EBF2: variants seen among roughly 807,000 people sequenced by gnomAD.
EBF2 encodes the protein EBF transcription factor 2, also known as transcription factor COE2.
In EBF2, 21 loss-of-function variants were observed where a neutral mutation model predicts 72.8. The ratio of observed to expected loss-of-function variants is 0.29; its 90% CI spans 0.20 to 0.42. The LOEUF (loss-of-function observed/expected upper bound fraction) is 0.42, where lower values mean the gene tolerates loss of function less well. Among genes scored for constraint, EBF2 ranks in the 10% least tolerant of loss-of-function variants. EBF2 has a pLI of 1.00. For missense variants in EBF2, 637 were observed against 731.2 expected, an observed-to-expected ratio of 0.87 and a Z score of 1.49; for synonymous variants, 299 against 274.2, an observed-to-expected ratio of 1.09 and a Z score of -0.89.
At chr8:25,845,108 ACTT>A (rs1426477099) in intron 15 of EBF2, among the ~76,000 whole-genome samples, 4 of 151,854 alleles carry the variant, frequency 2.6e-5, no homozygotes, top group African/African-American at 9.7e-5. Flanking sequence ...TCTATCCTTC[ACTT>A]CTTTGGTGAG....
At chr8:25,879,862 T>C (rs891188356) in intron 10 of EBF2, among the ~76,000 whole-genome samples, 3 of 152,200 alleles carry the variant, frequency 2.0e-5, no homozygotes, top group Admixed American at 2.0e-4. Flanking sequence ...AGTATTTTCA[T>C]TTGTTTAAAA....
At chr8:25,958,090 C>A (rs368887183) in intron 6 of EBF2, among the ~76,000 whole-genome samples, 13 of 152,054 alleles carry the variant, frequency 8.5e-5, no homozygotes, top group African/African-American at 2.4e-5. Context: ...ATAACAAACC[C>A]GCACAAAGAT....
Position 25,858,443 on chromosome 8 carries a change from T to C in EBF2, c.1404A>G (p.Gln468=), listed in dbSNP as rs544160576. Reference sequence around the variant, plus strand: ...TGCTGGAGGTACTGTAATTAGACTGTTGAGGCGTGGAGCTGGAAGAGTATC... The same window carrying C: ...TGCTGGAGGTACTGTAATTAGACTGCTGAGGCGTGGAGCTGGAAGAGTATC... ...PRGYSSSSTP[Q]QSNYSTSSNS... The change falls in exon 14 of 16, where the codon CAA becomes CAG. Residue 468 remains glutamine, a synonymous_variant. Transcript: ENST00000520164. 1.2e-5 allele frequency: 19 copies of C among 1,614,080 alleles called. No homozygotes were observed. The South Asian group carries it at 1.5e-4, about 13-fold the overall frequency.
At chr8:25,984,451 G>A (rs60736043) in intron 6 of EBF2, among the ~76,000 whole-genome samples, 45,300 of 152,088 alleles carry the variant, frequency 0.3, 7,178 homozygotes, top group Middle Eastern at 0.42. Context: ...GGGAAGCCGA[G>A]GTGGGTGGAT....
At chr8:26,003,761 T>C (rs1804780153) in intron 6 of EBF2, among the ~76,000 whole-genome samples, 1 of 152,136 alleles carries the variant, frequency 6.6e-6, no homozygotes, top group Non-Finnish European at 1.5e-5. Context: ...TATTGAGAAC[T>C]GAGAAGGGGC....
chr8:26,033,212 G>A (rs1455231114), intron 5 of EBF2, 59 bp from the exon 6 acceptor site: 2 of 1,526,120 alleles, frequency 1.3e-6, no homozygotes, highest in Admixed American at 1.7e-5. Flanking sequence ...AAAATGCAAT[G>A]AGCACATGAC....
intron 6 of EBF2, among the ~76,000 whole-genome samples, chr8:26,005,539 A>ATT (rs1364534246): frequency 1.6e-3 from 29 of 18,048 alleles, no homozygotes; most frequent in South Asian, 0.012. Flanking sequence ...TATTATATAT[A>ATT]TTTTATATAT....
chr8:25,919,909 G>A (rs1224460673), intron 6 of EBF2, among the ~76,000 whole-genome samples: 5 of 152,200 alleles, frequency 3.3e-5, no homozygotes, highest in Non-Finnish European at 1.5e-5. Context: ...GGTTTTCAGA[G>A]TTAAGCAATG....
At chr8:25,846,491 C>T (rs1283583543) in intron 15 of EBF2, among the ~76,000 whole-genome samples, 1 of 152,038 alleles carries the variant, frequency 6.6e-6, no homozygotes, top group Non-Finnish European at 1.5e-5. Context: ...AGTTCAAGAC[C>T]AGCCTGAGCA....
chr8:26,012,630 T>C (rs555444381), intron 6 of EBF2, among the ~76,000 whole-genome samples: 1 of 152,306 alleles, frequency 6.6e-6, no homozygotes, highest in African/African-American at 2.4e-5. Flanking sequence ...TCTTAGCTTT[T>C]CCACTAATGG....
chr8:25,967,879 T>C (rs1336859326), intron 6 of EBF2, among the ~76,000 whole-genome samples: 1 of 152,178 alleles, frequency 6.6e-6, no homozygotes, highest in African/African-American at 2.4e-5. Context: ...ACCTGCCAAA[T>C]AGGAGTGTCA....
chr8:25,962,831 G>T (rs1437729919), intron 6 of EBF2, among the ~76,000 whole-genome samples: 2 of 152,288 alleles, frequency 1.3e-5, no homozygotes, highest in Non-Finnish European at 2.9e-5. Flanking sequence ...AACAAGTTAT[G>T]TCATTAGTCA....
At chr8:25,844,782 T>C in intron 15 of EBF2, 142 bp from the exon 16 acceptor site, 2 of 1,053,702 alleles carry the variant, frequency 1.9e-6, no homozygotes, top group Non-Finnish European at 2.9e-6. Flanking sequence ...TATGAGGACC[T>C]GTTCTCCAGG....
rs139671676 is a variant in EBF2 at position 26,024,788 on chromosome 8, C to T, written c.551+8297G>A. Among the ~76,000 whole-genome samples the T allele has an allele frequency of 1.9e-3, 282 of 152,228 alleles. 2 individuals are homozygous for T. Among genetic ancestry groups the T allele is most frequent in the African/African-American group, 6.5e-3 (268 of 41,546 alleles). On this transcript the variant is annotated intron_variant, in intron 6 of 15. Transcript: ENST00000520164. Reference sequence around the variant, plus strand: ...TTTAAAGCATCTGTTGTATCATGCACTATGTGGGCACCTTACATGAATGTA... The same window carrying T: ...TTTAAAGCATCTGTTGTATCATGCATTATGTGGGCACCTTACATGAATGTA...
At chr8:25,869,395 A>AG (rs562067661) in intron 10 of EBF2, among the ~76,000 whole-genome samples, 1 of 152,018 alleles carries the variant, frequency 6.6e-6, no homozygotes, top group African/African-American at 2.4e-5. Flanking sequence ...CTCTTTCCTA[A>AG]GGGGGAATGA....
chr8:25,931,152 A>G (rs1170865884), intron 6 of EBF2, among the ~76,000 whole-genome samples: 1 of 152,180 alleles, frequency 6.6e-6, no homozygotes, highest in East Asian at 1.9e-4. Context: ...TGAACACTGG[A>G]CTGAAGGGGC....
At chr8:25,940,886 C>T (rs1029991996) in intron 6 of EBF2, among the ~76,000 whole-genome samples, 5 of 152,092 alleles carry the variant, frequency 3.3e-5, no homozygotes, top group Non-Finnish European at 7.3e-5. Flanking sequence ...CAGTGCCTCC[C>T]CCTTCCCCCA....
intron 10 of EBF2, among the ~76,000 whole-genome samples, chr8:25,866,570 TTA>T (rs199819157): frequency 1.6e-4 from 22 of 141,300 alleles, no homozygotes; most frequent in African/African-American, 2.9e-4. Flanking sequence ...ATTATATAAT[TTA>T]TATATATAAT....
At chr8:25,886,564 A>G (rs1207467754) in intron 10 of EBF2, among the ~76,000 whole-genome samples, 191 bp downstream of exon 10, 3 of 151,166 alleles carry the variant, frequency 2.0e-5, no homozygotes, top group African/African-American at 4.9e-5. Flanking sequence ...ATCATGCAGA[A>G]GTTGCTTAAG....
Sources: gnomAD v4.1 joint callset for allele counts (sites outside exome capture counted in the v4.1 genomes callset) on GRCh38, gnomAD v4.1.1 for gene constraint, MANE v1.5 for transcripts, NCBI Gene and HGNC (gene_info 2026-07-23, HGNC 2026-07-21) for gene names.